Variants in SLC5A4 observed in about 807,000 individuals in gnomAD.
The protein encoded by SLC5A4 is solute carrier family 5 member 4, also known as probable glucose sensor protein SLC5A4.
SLC5A4 carries 55 observed loss-of-function variants against 70.3 expected under a neutral mutation model. The observed-to-expected ratio is 0.78, with a 90% CI of 0.63 to 0.98. The LOEUF is 0.98. SLC5A4 is among the 50% of genes least tolerant of loss of function. The pLI is 0.00. For missense variants in SLC5A4, 735 were observed against 839.2 expected (o/e 0.88, Z 1.53); for synonymous variants, 268 against 305.7 (o/e 0.88, Z 1.29).
intron 5 of SLC5A4, among the ~76,000 whole-genome samples, chr22:32,241,550 T>C (rs1212012979): frequency 6.6e-6 from 1 of 152,198 alleles, no homozygotes; most frequent in East Asian, 1.9e-4. Flanking sequence ...AAATATTTAC[T>C]TATTTTTGTT....
At chr22:32,351,428 G>A in the SLC5A4 span, among the ~76,000 whole-genome samples, 169 of 151,778 alleles carry the variant, frequency 1.1e-3, 2 homozygotes, top group Non-Finnish European at 3.1e-4. Flanking sequence ...CACTGGGCCG[G>A]CGAGGTGGCT....
chr22:32,314,421 A>G, the SLC5A4 span, among the ~76,000 whole-genome samples: 2 of 152,240 alleles, frequency 1.3e-5, no homozygotes, highest in East Asian at 3.9e-4. Flanking sequence ...AATAATGTTT[A>G]TCAAATAAAT....
the SLC5A4 span, among the ~76,000 whole-genome samples, chr22:32,307,889 G>C: frequency 1.3e-5 from 2 of 152,152 alleles, no homozygotes; most frequent in African/African-American, 4.8e-5. Flanking sequence ...TACCCACCAC[G>C]TGAGCAGGAT....
At chr22:32,269,504 G>A in the SLC5A4 span, 3 of 586,242 alleles carry the variant, frequency 5.1e-6, no homozygotes, top group Non-Finnish European at 3.3e-6. This position sits in a 1 kb window ranked among gnomAD's most constrained non-coding sequence, Gnocchi z 4.1. Flanking sequence ...CGGGCACGTG[G>A]CTGTGTGGCA....
the SLC5A4 span, among the ~76,000 whole-genome samples, chr22:32,303,954 A>G: frequency 6.6e-6 from 1 of 152,218 alleles, no homozygotes; most frequent in African/African-American, 2.4e-5. Flanking sequence ...CATTCTCACC[A>G]GCATTTGGTG....
chr22:32,232,332 T>C (rs1311705879), intron 9 of SLC5A4, among the ~76,000 whole-genome samples: 1 of 152,240 alleles, frequency 6.6e-6, no homozygotes, highest in Middle Eastern at 3.2e-3. Flanking sequence ...GAGTCCTCAA[T>C]TAGCCAAGAA....
intron 14 of SLC5A4, among the ~76,000 whole-genome samples, chr22:32,219,232 G>T (rs1283220717): frequency 6.6e-6 from 1 of 152,162 alleles, no homozygotes; most frequent in African/African-American, 2.4e-5. Flanking sequence ...CTATATTGTT[G>T]CTAGGGAAGC....
At chr22:32,257,659 C>CTTTTCTTTTTT (rs1555993372), upstream of SLC5A4, among the ~76,000 whole-genome samples, 1 of 141,932 alleles carries the variant, frequency 7.0e-6, no homozygotes, top group East Asian at 2.1e-4. Context: ...GCAAGGTTTT[C>CTTTTCTTTTTT]TTTTTTTTTT....
At chr22:32,312,074 C>A in the SLC5A4 span, among the ~76,000 whole-genome samples, 1 of 152,122 alleles carries the variant, frequency 6.6e-6, no homozygotes, top group Non-Finnish European at 1.5e-5. Context: ...CATGAAAACA[C>A]TTAACTTGGT....
chr22:32,299,106 C>G, the SLC5A4 span, among the ~76,000 whole-genome samples: 1 of 122,322 alleles, frequency 8.2e-6, no homozygotes, highest in Non-Finnish European at 1.7e-5. Context: ...TTCATTTCAA[C>G]TTTGGTGAAT....
At chr22:32,332,712 C>T in the SLC5A4 span, among the ~76,000 whole-genome samples, 3 of 152,156 alleles carry the variant, frequency 2.0e-5, no homozygotes, top group South Asian at 2.1e-4. Context: ...ACCCTCCTGA[C>T]GTTCAGACAC....
intron 14 of SLC5A4, among the ~76,000 whole-genome samples, chr22:32,219,285 T>C (rs1924912201): frequency 6.6e-6 from 1 of 152,184 alleles, no homozygotes; most frequent in Non-Finnish European, 1.5e-5. Flanking sequence ...TGCAAAATCA[T>C]ATAGGCATGA....
the SLC5A4 span, among the ~76,000 whole-genome samples, chr22:32,346,445 C>T: frequency 6.6e-6 from 1 of 152,016 alleles, no homozygotes; most frequent in Admixed American, 6.5e-5. Flanking sequence ...CGCTACCTGA[C>T]TTCAAACTAT....
intron 10 of SLC5A4, among the ~76,000 whole-genome samples, chr22:32,230,086 C>T (rs1391954356): frequency 2.0e-5 from 3 of 152,146 alleles, no homozygotes; most frequent in Non-Finnish European, 2.9e-5. Flanking sequence ...TTCCCTCTGC[C>T]CATTAGTAAC....
chr22:32,312,878 T>C, the SLC5A4 span, among the ~76,000 whole-genome samples: 1 of 152,194 alleles, frequency 6.6e-6, no homozygotes, highest in African/African-American at 2.4e-5. Flanking sequence ...GGGGACTCAC[T>C]GGGGACATTT....
rs761996656 is a variant in SLC5A4, at chr22:32,225,808, TAGA to T, written c.1293_1295del (p.Leu433del). On this transcript the variant is annotated inframe_deletion, in exon 12 of 15. Transcript: ENST00000266086. ...CCCACACAATGCTCACAACAGTTAA[TAGA>T]AGAACAAATATCCTGAGAAGAAAAC... is the stretch of plus-strand genomic sequence containing the variant. The T allele has an allele frequency of 6.2e-7, 1 of 1,603,070 alleles. No homozygotes were observed. The highest frequency in any genetic ancestry group is 1.3e-5 in the African/African-American group (1 of 74,376).
At chr22:32,300,322 G>A in the SLC5A4 span, among the ~76,000 whole-genome samples, 14 of 150,892 alleles carry the variant, frequency 9.3e-5, no homozygotes, top group African/African-American at 1.7e-4. Context: ...CTCCGTGGGC[G>A]TAGGACCCTC....
chr22:32,289,454 G>A, the SLC5A4 span, among the ~76,000 whole-genome samples: 2 of 152,144 alleles, frequency 1.3e-5, no homozygotes, highest in African/African-American at 2.4e-5. Context: ...AGATCTGATG[G>A]TTTTATAAGG....
chr22:32,349,236 G>A, the SLC5A4 span, among the ~76,000 whole-genome samples: 3 of 151,488 alleles, frequency 2.0e-5, no homozygotes, highest in Admixed American at 1.3e-4. Context: ...GCCTCCCAAG[G>A]TGCTGGGATT....
Sources: allele counts gnomAD v4.1 joint callset (sites outside exome capture counted in the v4.1 genomes callset), GRCh38; gene constraint gnomAD v4.1.1; non-coding constraint Gnocchi (gnomAD v3.1); transcripts MANE v1.5; gene names NCBI Gene and HGNC (gene_info 2026-07-23, HGNC 2026-07-21).